Variants in XPA observed in about 807,000 individuals in gnomAD.
XPA encodes the protein XPA, DNA damage recognition and repair factor.
XPA carries 27 observed loss-of-function variants against 35.7 expected under a neutral mutation model. The observed-to-expected ratio is 0.76, with a 90% CI of 0.56 to 1.04. The LOEUF (loss-of-function observed/expected upper bound fraction) is 1.04, where lower values mean the gene tolerates loss of function less well. Among genes scored for constraint, XPA ranks in the 50% least tolerant of loss-of-function variants. The pLI is 0.00. For synonymous variants in XPA, 133 were observed against 118.4 expected, an observed-to-expected ratio of 1.12 and a Z score of -0.80; for missense variants, 354 against 342.7, an observed-to-expected ratio of 1.03 and a Z score of -0.26.
chr9:97,688,675 C>T (rs1316857557), intron 3 of XPA, among the ~76,000 whole-genome samples: 2 of 152,136 alleles, frequency 1.3e-5, no homozygotes, highest in African/African-American at 4.8e-5. Context: ...ATCTATAGTT[C>T]CAGCTGTGGT....
intron 3 of XPA, 80 bp downstream of exon 3, chr9:97,689,454 A>T: frequency 1.2e-6 from 1 of 869,538 alleles, no homozygotes; most frequent in Non-Finnish European, 1.9e-6. Context: ...GAAAATATCA[A>T]ATCCAAACAG....
the XPA span, among the ~76,000 whole-genome samples, chr9:97,663,992 A>G: frequency 6.6e-6 from 1 of 151,736 alleles, no homozygotes; most frequent in African/African-American, 2.4e-5. Context: ...CAGCCTAGGC[A>G]ATACAGTGAA....
At chr9:97,682,285 A>G (rs1393313222) in intron 5 of XPA, 7 of 518,690 alleles carry the variant, frequency 1.3e-5, no homozygotes, top group African/African-American at 1.2e-4. Flanking sequence ...TTTCTTTTCA[A>G]CTAAAATACT....
At chr9:97,655,813 T>C in the XPA span, 9 of 1,499,616 alleles carry the variant, frequency 6.0e-6, no homozygotes, top group Non-Finnish European at 8.2e-6. Context: ...AAACTACTAA[T>C]GTTTAAAACT....
chr9:97,691,886 A>AATAAATATAT (rs1015557170), intron 2 of XPA, among the ~76,000 whole-genome samples: 4 of 124,682 alleles, frequency 3.2e-5, no homozygotes, highest in Non-Finnish European at 6.3e-5. Flanking sequence ...TTTCTAAATA[A>AATAAATATAT]ATATATATAT....
At chr9:97,660,915 T>C in the XPA span, 1 of 1,589,790 alleles carries the variant, frequency 6.3e-7, no homozygotes, top group Non-Finnish European at 8.6e-7. Flanking sequence ...ACCTGATCTG[T>C]CATTCCCCTT....
At chr9:97,661,917 A>G in the XPA span, 1 of 530,952 alleles carries the variant, frequency 1.9e-6, no homozygotes, top group African/African-American at 1.9e-5. Flanking sequence ...TGTTTATTAG[A>G]ACCAAAAAAC....
chr9:97,682,238 G>A, intron 5 of XPA: 2 of 514,582 alleles, frequency 3.9e-6, no homozygotes, highest in South Asian at 1.4e-5. Context: ...CTTCTTTGTG[G>A]ATCAAAATCA....
downstream of XPA, chr9:97,673,671 T>A (rs1043528007): frequency 5.9e-5 from 9 of 152,220 alleles, no homozygotes; most frequent in African/African-American, 1.9e-4. Context: ...AGATGGCATG[T>A]CACTGTACAT....
intron 5 of XPA, among the ~76,000 whole-genome samples, chr9:97,682,713 C>T (rs1022673529): frequency 6.6e-6 from 1 of 152,132 alleles, no homozygotes; most frequent in African/African-American, 2.4e-5. Flanking sequence ...AGGGCAAATT[C>T]AAACTCTTCG....
chr9:97,666,906 TAAAG>T, the XPA span: 1 of 1,424,240 alleles, frequency 7.0e-7, no homozygotes, highest in Non-Finnish European at 9.6e-7. Flanking sequence ...TGTAAGTAGT[TAAAG>T]AAAATATACC....
At chr9:97,684,368 A>G (rs1460529743) in intron 5 of XPA, among the ~76,000 whole-genome samples, 3 of 152,254 alleles carry the variant, frequency 2.0e-5, no homozygotes, top group African/African-American at 4.8e-5. Flanking sequence ...AGACAGATGC[A>G]TGGATAGAGA....
intron 1 of XPA, among the ~76,000 whole-genome samples, chr9:97,694,943 C>T (rs1828997584): frequency 6.6e-6 from 1 of 152,160 alleles, no homozygotes; most frequent in African/African-American, 2.4e-5. Context: ...CCAATGCACG[C>T]AACAAAATGT....
chr9:97,657,202 G>A, the XPA span, among the ~76,000 whole-genome samples: 61 of 152,218 alleles, frequency 4.0e-4, no homozygotes, highest in East Asian at 8.5e-3. Flanking sequence ...TCCTGACCTC[G>A]TGATCCGCCC....
rs963196708 is a variant in XPA at position 97,675,261 on chromosome 9, T to G, written c.*178A>C. 158 of 760,824 alleles carry G rather than the reference T, an allele frequency of 2.1e-4. 3 individuals are homozygous for G. In the East Asian group the frequency reaches 4.3e-3, roughly 21 times the overall value. The allele number at this position is 760,824 out of a possible 1,614,324, so 47.1% of individuals were successfully genotyped here. ...GTGCACACAACCAGGCCAGGTGACCTTCACTGAAACTTGCTTTTAAGCCAT... is the reference window on the plus strand; with the variant it reads ...GTGCACACAACCAGGCCAGGTGACCGTCACTGAAACTTGCTTTTAAGCCAT... On this transcript the variant is annotated 3_prime_UTR_variant, in exon 6 of 6. Transcript: ENST00000375128.
intron 3 of XPA, among the ~76,000 whole-genome samples, chr9:97,688,458 T>C (rs3176673): frequency 0.014 from 2,132 of 152,348 alleles, 102 homozygotes; most frequent in East Asian, 0.13. Context: ...TCGAGGTCTT[T>C]AACCTTAATC....
At chr9:97,683,332 A>G (rs1828602696) in intron 5 of XPA, among the ~76,000 whole-genome samples, 1 of 152,156 alleles carries the variant, frequency 6.6e-6, no homozygotes. Flanking sequence ...CACTGAAAAG[A>G]TTAAAGGGCC....
intron 5 of XPA, 85 bp from the exon 6 acceptor site, chr9:97,675,672 G>A (rs1828340492): frequency 6.8e-7 from 1 of 1,474,700 alleles, no homozygotes. Context: ...TTTCAGCCAT[G>A]TACATGTGTG....
chr9:97,663,038 C>A, the XPA span: 85 of 1,608,402 alleles, frequency 5.3e-5, no homozygotes, highest in East Asian at 8.5e-4. Flanking sequence ...TCTGGAGGAA[C>A]CATCCACAGG....
Sources: allele counts gnomAD v4.1 joint callset (sites outside exome capture counted in the v4.1 genomes callset), GRCh38; gene constraint gnomAD v4.1.1; transcripts MANE v1.5; gene names NCBI Gene and HGNC (gene_info 2026-07-23, HGNC 2026-07-21).